The following SPATA13 variants were observed in gnomAD, a reference collection of about 807,000 sequenced individuals.
The protein encoded by SPATA13 is spermatogenesis associated 13, also known as spermatogenesis-associated protein 13.
Under a neutral mutation model 104.0 loss-of-function variants are expected in SPATA13, and 50 were observed. That is an observed-to-expected ratio of 0.48 (90% CI 0.38 to 0.61). The LOEUF (loss-of-function observed/expected upper bound fraction) is 0.61. Among genes scored for constraint, SPATA13 ranks in the 20% least tolerant of loss-of-function variants. The pLI, the probability that SPATA13 is intolerant of heterozygous loss-of-function variation, is 0.00. For missense variants in SPATA13, 1,524 were observed against 1,690.6 expected, an observed-to-expected ratio of 0.90 and a Z score of 1.73; for synonymous variants, 606 against 667.5, an observed-to-expected ratio of 0.91 and a Z score of 1.42.
At chr13:24,084,209 T>C (rs1208351084) in intron 3 of SPATA13, among the ~76,000 whole-genome samples, 1 of 152,088 alleles carries the variant, frequency 6.6e-6, no homozygotes, top group Non-Finnish European at 1.5e-5. Flanking sequence ...ACAATTTAAA[T>C]GCGTTGGGGA....
chr13:23,989,234 C>T (rs1875292997), intron 2 of SPATA13, among the ~76,000 whole-genome samples: 1 of 151,944 alleles, frequency 6.6e-6, no homozygotes, highest in African/African-American at 2.4e-5. Flanking sequence ...CTAGCCTGAC[C>T]AACATGGTGA....
chr13:24,138,168 G>A (rs1057259382), intron 3 of SPATA13, among the ~76,000 whole-genome samples: 51 of 151,828 alleles, frequency 3.4e-4, no homozygotes, highest in Admixed American at 7.9e-4. Context: ...TTAGCTGGGC[G>A]TGGTGACGTG....
chr13:24,274,476 AT>A (rs1392754145), intron 4 of SPATA13, among the ~76,000 whole-genome samples: 3 of 152,130 alleles, frequency 2.0e-5, no homozygotes, highest in Non-Finnish European at 4.4e-5. Flanking sequence ...CTGAAGGGGG[AT>A]GGACCCTGGA....
intron 3 of SPATA13, among the ~76,000 whole-genome samples, chr13:24,057,722 G>A (rs1179617877): frequency 1.3e-5 from 2 of 151,750 alleles, no homozygotes; most frequent in African/African-American, 4.8e-5. Flanking sequence ...GTATATATGT[G>A]TGATCTTTTC....
At chr13:24,016,532 G>A (rs985553267) in intron 2 of SPATA13, among the ~76,000 whole-genome samples, 1 of 152,146 alleles carries the variant, frequency 6.6e-6, no homozygotes, top group East Asian at 1.9e-4. Flanking sequence ...GCCCTTCTTT[G>A]CCCACAGCCA....
In SPATA13 at chr13:23,986,151, C is replaced by T. The variant is rs115123089; in HGVS notation, c.-147+2218C>T. 6.7e-3 allele frequency among the ~76,000 whole-genome samples: 1,020 copies of T among 152,280 alleles called. 13 individuals carry two copies. Among genetic ancestry groups the T allele is most frequent in the African/African-American group, 0.021 (888 of 41,548 alleles). ...AAGTGTTTTTAGCATACCATGGTCTCGCATGTACACATTAGGTATTTCGGC... is the reference window on the plus strand; with the variant it reads ...AAGTGTTTTTAGCATACCATGGTCTTGCATGTACACATTAGGTATTTCGGC... On this transcript the variant is annotated intron_variant, in intron 2 of 14. Transcript: ENST00000424834.
intron 3 of SPATA13, among the ~76,000 whole-genome samples, chr13:24,143,714 T>C (rs969406552): frequency 6.6e-6 from 1 of 152,036 alleles, no homozygotes; most frequent in Non-Finnish European, 1.5e-5. Context: ...CCACAGAACA[T>C]CTAACAGTGG....
At chr13:24,114,810 G>T (rs567332041) in intron 3 of SPATA13, among the ~76,000 whole-genome samples, 2 of 152,200 alleles carry the variant, frequency 1.3e-5, no homozygotes, top group South Asian at 2.1e-4. Flanking sequence ...ATACAAGCAT[G>T]CACCACCACG....
intron 3 of SPATA13, among the ~76,000 whole-genome samples, chr13:24,078,424 T>G (rs1879402212): frequency 1.3e-5 from 2 of 152,218 alleles, no homozygotes; most frequent in Admixed American, 1.3e-4. Context: ...CTGAAGTATA[T>G]GCTGTTACTG....
In SPATA13 at chr13:24,088,537, C is replaced by T. The variant is rs1260348238; in HGVS notation, c.-112+70836C>T. On this transcript the variant is annotated intron_variant, in intron 3 of 14. Transcript: ENST00000424834. The surrounding 1 kb of genome is among the most constrained non-coding windows in gnomAD (Gnocchi z 4.3). ...GTTGGGTCCACAGCCCAAAGACTGGCAGAATCTCAATACTGTCCCAGCAGG... is the reference window on the plus strand; with the variant it reads ...GTTGGGTCCACAGCCCAAAGACTGGTAGAATCTCAATACTGTCCCAGCAGG... 6.6e-6 allele frequency among the ~76,000 whole-genome samples: 1 copy of T among 152,038 alleles called. No individual in the cohort carries two copies. Among genetic ancestry groups the T allele is most frequent in the Non-Finnish European group, 1.5e-5 (1 of 68,004 alleles).
chr13:24,192,737 GAGA>G (rs1421228375), intron 1 of SPATA13, among the ~76,000 whole-genome samples: 1 of 152,154 alleles, frequency 6.6e-6, no homozygotes, highest in Non-Finnish European at 1.5e-5. Context: ...GAGAAGCAGA[GAGA>G]AGATTTGTTG....
rs143497097 is a variant in SPATA13, at chr13:24,294,799, C to G, written c.3141C>G (p.Asn1047Lys). 1.2e-6 allele frequency: 2 copies of G among 1,611,046 alleles called. No homozygotes were observed. Among genetic ancestry groups the G allele is most frequent in the African/African-American group, 1.3e-5 (1 of 74,912 alleles). ...EAMKNVACLINERKRKLESID... is the reference protein window; with the variant it reads ...EAMKNVACLIKERKRKLESID... The stretch of plus-strand genomic sequence containing the variant: ...TGAAGAATGTGGCCTGTCTGATCAA[C>G]GAGCGCAAGCGCAAGCTGGAGAGCA... The change falls in exon 10 of 13, where the codon AAC (asparagine) becomes AAG (lysine). Residue 1047 changes from asparagine to lysine, a missense_variant. Physicochemically the swap from Asn to Lys is moderately conservative, Grantham distance 94. Coordinates refer to ENST00000382108, the MANE Select transcript of SPATA13 (RefSeq NM_001166271.3).
chr13:24,246,212 CGT>C (rs1873123716), intron 2 of SPATA13, among the ~76,000 whole-genome samples: 1 of 152,156 alleles, frequency 6.6e-6, no homozygotes, highest in African/African-American at 2.4e-5. Flanking sequence ...GTTTTTCTAG[CGT>C]GTTGTTCCTG....
intron 2 of SPATA13, among the ~76,000 whole-genome samples, chr13:24,002,619 G>C (rs1463049362): frequency 6.6e-6 from 1 of 152,118 alleles, no homozygotes; most frequent in East Asian, 1.9e-4. Context: ...GACTGCAGGA[G>C]CTTCACGAAT....
chr13:23,984,336 C>T (rs968668576), intron 2 of SPATA13, among the ~76,000 whole-genome samples: 2 of 152,204 alleles, frequency 1.3e-5, no homozygotes, highest in Admixed American at 1.3e-4. Flanking sequence ...GTCTCCTTAA[C>T]TTCCTTCATT....
chr13:24,198,317 T>G (rs1282038879), intron 1 of SPATA13, among the ~76,000 whole-genome samples: 1 of 152,194 alleles, frequency 6.6e-6, no homozygotes, highest in Non-Finnish European at 1.5e-5. Context: ...CCAGACTCAC[T>G]GGACTAAATG....
At chr13:23,995,209 A>T (rs1310052494) in intron 2 of SPATA13, among the ~76,000 whole-genome samples, 1 of 138,770 alleles carries the variant, frequency 7.2e-6, no homozygotes, top group African/African-American at 2.6e-5. Context: ...AAAAAATTGC[A>T]TGTTAAAATT....
intron 9 of SPATA13, among the ~76,000 whole-genome samples, chr13:24,292,255 C>T (rs1448306645): frequency 6.6e-6 from 1 of 152,214 alleles, no homozygotes; most frequent in African/African-American, 2.4e-5. Context: ...AATGTGCATG[C>T]CCATTTTCCA....
In SPATA13 at chr13:24,304,074, G is replaced by A. The variant is rs1399532817; in HGVS notation, c.*1301G>A. Reference sequence around the variant, plus strand: ...CCTTAGCAATGAAGTCACAAAGACAGCCAAAGCAGTCCTGCTTCTTGGAAA... The same window carrying A: ...CCTTAGCAATGAAGTCACAAAGACAACCAAAGCAGTCCTGCTTCTTGGAAA... On this transcript the variant is annotated 3_prime_UTR_variant, in exon 13 of 13. Transcript: ENST00000382108. The A allele has an allele frequency of 1.3e-5, 2 of 152,230 alleles. No individual in the cohort carries two copies. The highest frequency in any genetic ancestry group is 4.8e-5 in the African/African-American group (2 of 41,456). 9.4% of individuals were successfully genotyped at this position (152,230 alleles called of 1,614,324 possible).
Sources: gnomAD v4.1 joint callset for allele counts (sites outside exome capture counted in the v4.1 genomes callset) on GRCh38, gnomAD v4.1.1 for gene constraint, Gnocchi (gnomAD v3.1) non-coding constraint, MANE v1.5 for transcripts, NCBI Gene and HGNC (gene_info 2026-07-23, HGNC 2026-07-21) for gene names.